STK32C: variants seen among roughly 807,000 people sequenced by gnomAD.
STK32C encodes the protein serine/threonine-protein kinase 32C.
A neutral mutation model predicts 56.5 loss-of-function variants in STK32C; 31 were observed. That is an observed-to-expected ratio of 0.55 (90% confidence interval 0.41 to 0.74). The LOEUF is 0.74. Among genes scored for constraint, STK32C ranks in the 30% least tolerant of loss-of-function variants. The pLI is 0.00. For synonymous variants in STK32C, 309 were observed against 289.4 expected, an observed-to-expected ratio of 1.07 and a Z score of -0.69; for missense variants, 544 against 676.9, an observed-to-expected ratio of 0.80 and a Z score of 2.18.
intron 1 of STK32C, among the ~76,000 whole-genome samples, chr10:132,278,716 C>T (rs1368817118): frequency 2.7e-5 from 4 of 147,452 alleles, no homozygotes; most frequent in Admixed American, 2.0e-4. Flanking sequence ...GCCGAGATCG[C>T]GCCACTGCAC....
At chr10:132,244,210 CCTAA>C (rs1290496888) in intron 2 of STK32C, among the ~76,000 whole-genome samples, 1 of 152,174 alleles carries the variant, frequency 6.6e-6, no homozygotes, top group South Asian at 2.1e-4. Flanking sequence ...GATGAGGAGG[CCTAA>C]CTGTGAGCCG....
Position 132,307,935 on chromosome 10 carries a change from C to A in STK32C, c.-102G>T, listed in dbSNP as rs1240618099. The A allele has an allele frequency of 8.4e-6, 9 of 1,066,526 alleles. No individual in the cohort carries two copies. Among genetic ancestry groups the A allele is most frequent in the African/African-American group, 1.8e-5 (1 of 56,840 alleles). The allele number at this position is 1,066,526 out of a possible 1,614,324, so 66.1% of individuals were successfully genotyped here. The stretch of plus-strand genomic sequence containing the variant: ...GGGAGCGCTCGGGGCCGGCAGCGCC[C>A]GCCGTGCGCTCTTCTGGGCGGTGGA... On this transcript the variant is annotated 5_prime_UTR_variant, in exon 1 of 12. Transcript: ENST00000298630. This position sits in a 1 kb window ranked among gnomAD's most constrained non-coding sequence, Gnocchi z 4.4.
intron 1 of STK32C, among the ~76,000 whole-genome samples, chr10:132,251,068 C>T (rs777625389): frequency 1.2e-4 from 19 of 152,180 alleles, no homozygotes; most frequent in Non-Finnish European, 4.4e-5. Flanking sequence ...CCTGGGGTCA[C>T]CCCCAAGGAG....
chr10:132,220,887 T>G (rs1383637626), intron 10 of STK32C, among the ~76,000 whole-genome samples: 4 of 152,170 alleles, frequency 2.6e-5, no homozygotes, highest in Non-Finnish European at 5.9e-5. Context: ...TTACAGAAAC[T>G]GAGATCATCA....
chr10:132,237,548 C>T (rs1391679091), intron 2 of STK32C, among the ~76,000 whole-genome samples: 2 of 152,268 alleles, frequency 1.3e-5, no homozygotes, highest in African/African-American at 4.8e-5. Flanking sequence ...CCTAAGCAGA[C>T]TCTGCGCCGA....
chr10:132,306,519 G>C (rs1456655073), intron 1 of STK32C, among the ~76,000 whole-genome samples: 2 of 152,188 alleles, frequency 1.3e-5, no homozygotes, highest in Non-Finnish European at 2.9e-5. Flanking sequence ...GAGGAACGGC[G>C]GTGCACGGCC....
intron 1 of STK32C, among the ~76,000 whole-genome samples, chr10:132,280,787 G>A (rs1405022166): frequency 2.2e-5 from 3 of 135,810 alleles, no homozygotes; most frequent in Admixed American, 7.5e-5. Flanking sequence ...CTGTGATCAC[G>A]CCACTGCACC....
At chr10:132,283,146 C>A (rs996559877) in intron 1 of STK32C, among the ~76,000 whole-genome samples, 1 of 152,230 alleles carries the variant, frequency 6.6e-6, no homozygotes, top group East Asian at 1.9e-4. Context: ...AAGACCCAGC[C>A]GGGAGGCCGG....
chr10:132,284,440 A>AGGTTGGGGG (rs2065325258), intron 1 of STK32C, among the ~76,000 whole-genome samples: 1 of 62,198 alleles, frequency 1.6e-5, no homozygotes, highest in Admixed American at 1.6e-4. Context: ...TGAGGTTGGG[A>AGGTTGGGGG]GGGCAGGTGA....
chr10:132,217,838 G>A (rs997238926), intron 10 of STK32C, among the ~76,000 whole-genome samples: 2 of 152,140 alleles, frequency 1.3e-5, no homozygotes, highest in African/African-American at 2.4e-5. Flanking sequence ...CCAGCCATGT[G>A]GAACTGTAAA....
chr10:132,245,806 G>T, intron 2 of STK32C, 94 bp downstream of exon 2: 1 of 1,266,564 alleles, frequency 7.9e-7, no homozygotes, highest in South Asian at 1.2e-5. Context: ...TCCCAAGGAG[G>T]ATGGGAGTAG....
intron 10 of STK32C, among the ~76,000 whole-genome samples, chr10:132,214,026 A>T (rs2062394234): frequency 6.6e-6 from 1 of 152,192 alleles, no homozygotes; most frequent in African/African-American, 2.4e-5. Flanking sequence ...GCTGTGGGAC[A>T]ATTTCAAACG....
intron 1 of STK32C, among the ~76,000 whole-genome samples, chr10:132,260,859 CCAG>C (rs2064279489): frequency 6.6e-6 from 1 of 152,228 alleles, no homozygotes; most frequent in African/African-American, 2.4e-5. Flanking sequence ...GTGCCAAGGC[CCAG>C]CAGGAGCACA....
chr10:132,243,166 C>G (rs940836374), intron 2 of STK32C, among the ~76,000 whole-genome samples: 1 of 152,242 alleles, frequency 6.6e-6, no homozygotes, highest in Non-Finnish European at 1.5e-5. Flanking sequence ...CAGGAGGATG[C>G]AGGAATGGGG....
chr10:132,300,768 C>T (rs1001146173), intron 1 of STK32C, among the ~76,000 whole-genome samples: 6 of 152,174 alleles, frequency 3.9e-5, no homozygotes, highest in South Asian at 2.1e-4. Flanking sequence ...GGTGGCCACT[C>T]GCCCCCATTG....
chr10:132,302,690 C>A (rs897567304), intron 1 of STK32C, among the ~76,000 whole-genome samples: 1 of 152,214 alleles, frequency 6.6e-6, no homozygotes, highest in Middle Eastern at 3.2e-3. Context: ...AGAGCACCCT[C>A]CAAAATGCGA....
intron 2 of STK32C, among the ~76,000 whole-genome samples, chr10:132,235,963 A>G (rs1422646064): frequency 6.6e-6 from 1 of 152,226 alleles, no homozygotes; most frequent in Non-Finnish European, 1.5e-5. Context: ...TTCATGTCGG[A>G]TACCGAGGGC....
chr10:132,331,888 C>A (rs368172958), upstream of STK32C: 4 of 1,059,114 alleles, frequency 3.8e-6, no homozygotes, highest in Admixed American at 2.7e-5. Context: ...CGCACCACCC[C>A]CTGCCACCCC....
intron 1 of STK32C, among the ~76,000 whole-genome samples, chr10:132,292,636 C>T (rs2065603808): frequency 6.6e-6 from 1 of 152,234 alleles, no homozygotes; most frequent in African/African-American, 2.4e-5. Context: ...CATACCCATA[C>T]AGGCTAATCC....
Sources: allele counts gnomAD v4.1 joint callset (sites outside exome capture counted in the v4.1 genomes callset), GRCh38; gene constraint gnomAD v4.1.1; non-coding constraint Gnocchi (gnomAD v3.1); transcripts MANE v1.5; gene names NCBI Gene and HGNC (gene_info 2026-07-23, HGNC 2026-07-21).